Variants in CTNND2 observed in about 807,000 individuals in gnomAD.
CTNND2 encodes the protein catenin delta 2, also known as catenin delta-2.
CTNND2 carries 22 observed loss-of-function variants against 144.4 expected under a neutral mutation model. That is an observed-to-expected ratio of 0.15 (90% CI 0.11 to 0.22). The LOEUF is 0.22. Ranked by LOEUF, CTNND2 falls within the 10% of genes least tolerant of loss-of-function variation. The probability of loss-of-function intolerance (pLI) is 1.00; values close to 1 mark genes in which losing one functional copy is unlikely to be tolerated. For synonymous variants in CTNND2, 751 were observed against 695.6 expected (o/e 1.08, Z -1.25); for missense variants, 1,353 against 1,618.8 (o/e 0.84, Z 2.82).
At chr5:11,286,900 A>G (rs576366965) in intron 9 of CTNND2, among the ~76,000 whole-genome samples, 1 of 152,318 alleles carries the variant, frequency 6.6e-6, no homozygotes, top group Admixed American at 6.5e-5. Flanking sequence ...GCTGTCTACC[A>G]ATAAGAGCAT....
chr5:11,887,128 C>T (rs939655686), intron 1 of CTNND2, among the ~76,000 whole-genome samples: 4 of 151,728 alleles, frequency 2.6e-5, no homozygotes, highest in Non-Finnish European at 2.9e-5. Context: ...GGACTACAGG[C>T]GCATACCGCC....
intron 1 of CTNND2, among the ~76,000 whole-genome samples, chr5:11,756,120 T>G (rs1788924035): frequency 6.6e-6 from 1 of 151,720 alleles, no homozygotes; most frequent in Non-Finnish European, 1.5e-5. Context: ...GCAAAAACTT[T>G]GTGCCTAGAT....
intron 12 of CTNND2, among the ~76,000 whole-genome samples, chr5:11,130,079 C>G (rs1205715138): frequency 6.6e-6 from 1 of 152,064 alleles, no homozygotes; most frequent in African/African-American, 2.4e-5. Flanking sequence ...ATGCACCTTA[C>G]TGTCTTCTCC....
At chr5:10,977,243 G>A (rs1736608143) in intron 21 of CTNND2, among the ~76,000 whole-genome samples, 1 of 152,126 alleles carries the variant, frequency 6.6e-6, no homozygotes, top group Admixed American at 6.5e-5. Context: ...ACGTGACAGT[G>A]GAACTAAGGA....
intron 2 of CTNND2, among the ~76,000 whole-genome samples, chr5:11,641,594 G>T (rs1017617169): frequency 7.2e-6 from 1 of 138,418 alleles, no homozygotes; most frequent in East Asian, 2.0e-4. Flanking sequence ...ATACATATAC[G>T]TGTGTGTATA....
chr5:11,795,217 A>C (rs890991363), intron 1 of CTNND2, among the ~76,000 whole-genome samples: 11 of 152,320 alleles, frequency 7.2e-5, no homozygotes, highest in Admixed American at 3.3e-4. Context: ...TAGCTATCAT[A>C]AATGCCAAGA....
intron 1 of CTNND2, among the ~76,000 whole-genome samples, chr5:11,815,713 G>T (rs556681831): frequency 2.6e-5 from 4 of 152,246 alleles, no homozygotes; most frequent in Non-Finnish European, 4.4e-5. Flanking sequence ...GAAGAGTAGG[G>T]TTCTTGTTGT....
At chr5:11,602,827 A>T (rs983352762) in intron 2 of CTNND2, among the ~76,000 whole-genome samples, 33 of 147,834 alleles carry the variant, frequency 2.2e-4, no homozygotes, top group African/African-American at 8.1e-4. Flanking sequence ...ATATTATTTA[A>T]ATCATCTGTC....
intron 3 of CTNND2, among the ~76,000 whole-genome samples, chr5:11,551,755 C>A (rs1425705481): frequency 6.6e-6 from 1 of 152,172 alleles, no homozygotes. Context: ...CCCGCCTCCA[C>A]ATCCAGCTAA....
rs1033151725 is a variant in CTNND2, at chr5:11,358,663, G to C, written c.1372+6033C>G. Reference sequence around the variant, plus strand: ...ATATCACAATGAATAACAGTAATAAGATTTTATGAATATGCAGGTCCTATG... The same window carrying C: ...ATATCACAATGAATAACAGTAATAACATTTTATGAATATGCAGGTCCTATG... On this transcript the variant is annotated intron_variant, in intron 8 of 21. Transcript: ENST00000304623. Among the ~76,000 whole-genome samples the C allele has an allele frequency of 2.6e-5, 4 of 152,254 alleles. No individual in the cohort carries two copies. In the East Asian group the frequency reaches 7.7e-4, roughly 29 times the overall value.
chr5:11,717,578 A>G (rs1290410077), intron 2 of CTNND2, among the ~76,000 whole-genome samples: 1 of 151,902 alleles, frequency 6.6e-6, no homozygotes, highest in East Asian at 1.9e-4. Flanking sequence ...GACTGTGAAA[A>G]AAAAAAAAAA....
chr5:11,231,072 C>G (rs181175008), intron 10 of CTNND2, among the ~76,000 whole-genome samples: 2 of 152,098 alleles, frequency 1.3e-5, no homozygotes, highest in African/African-American at 4.8e-5. Context: ...ATGGTGTTCT[C>G]GTGATAATGA....
intron 2 of CTNND2, among the ~76,000 whole-genome samples, chr5:11,674,504 G>T (rs1354480691): frequency 5.9e-5 from 9 of 152,110 alleles, no homozygotes; most frequent in Non-Finnish European, 1.0e-4. Context: ...TATAACTGAT[G>T]AATCTACAGT....
At chr5:11,461,867 G>T (rs1400239808) in intron 3 of CTNND2, among the ~76,000 whole-genome samples, 1 of 151,336 alleles carries the variant, frequency 6.6e-6, no homozygotes, top group Admixed American at 6.6e-5. Context: ...GGTAAATTCT[G>T]GGTAAAGCTT....
Position 11,098,690 on chromosome 5 carries a change from A to G in CTNND2, c.2522T>C (p.Leu841Pro), listed in dbSNP as rs200059300. The G allele has an allele frequency of 6.2e-7, 1 of 1,614,196 alleles. No homozygotes were observed. Among genetic ancestry groups the G allele is most frequent in the Non-Finnish European group, 8.5e-7 (1 of 1,180,024 alleles). ...CAEPPKGIQM[L>P]WHPSIVKPYL... ...GGGTTTGACTATTGATGGGTGCCACAGCATCTGGATCCCTTTTGGTGGTTC... is the reference window on the plus strand; with the variant it reads ...GGGTTTGACTATTGATGGGTGCCACGGCATCTGGATCCCTTTTGGTGGTTC... The change falls in exon 15 of 22, where the codon CTG (leucine) becomes CCG (proline). Residue 841 changes from leucine (L) to proline (P), a missense_variant. Transcript: ENST00000304623.
At chr5:11,459,795 T>C (rs1419058566) in intron 3 of CTNND2, among the ~76,000 whole-genome samples, 1 of 152,202 alleles carries the variant, frequency 6.6e-6, no homozygotes, top group Non-Finnish European at 1.5e-5. Flanking sequence ...TAGTCAAGAT[T>C]GTATTTAATA....
chr5:11,432,096 A>G (rs1456447660), intron 3 of CTNND2, among the ~76,000 whole-genome samples: 14 of 145,894 alleles, frequency 9.6e-5, no homozygotes, highest in African/African-American at 3.0e-4. Context: ...GATGCACTCC[A>G]TACTATCATT....
chr5:11,202,150 CATCA>C (rs33953824), intron 10 of CTNND2, among the ~76,000 whole-genome samples: 38,065 of 151,880 alleles, frequency 0.25, 4,865 homozygotes, highest in Middle Eastern at 0.34. Context: ...CAGATGGCAT[CATCA>C]ATCAATCTAT....
intron 2 of CTNND2, among the ~76,000 whole-genome samples, chr5:11,664,206 T>C (rs1043602968): frequency 2.0e-5 from 3 of 152,220 alleles, no homozygotes; most frequent in African/African-American, 4.8e-5. Context: ...ACTATATTGT[T>C]ATCAATAGAA....
Sources: gnomAD v4.1 joint callset for allele counts (sites outside exome capture counted in the v4.1 genomes callset) on GRCh38, gnomAD v4.1.1 for gene constraint, MANE v1.5 for transcripts, NCBI Gene and HGNC (gene_info 2026-07-23, HGNC 2026-07-21) for gene names.